Variants in PACS1 observed in about 807,000 individuals in gnomAD.
PACS1 encodes the protein PACS-1.
Under a neutral mutation model 115.0 loss-of-function variants are expected in PACS1, and 24 were observed. That is an observed-to-expected ratio of 0.21 (90% CI 0.15 to 0.29). The LOEUF (loss-of-function observed/expected upper bound fraction) is 0.29, where lower values mean the gene tolerates loss of function less well. Ranked by LOEUF, PACS1 falls within the 10% of genes least tolerant of loss-of-function variation. The pLI is 1.00. For missense variants in PACS1, 838 were observed against 1,251.2 expected (o/e 0.67, Z 4.98); for synonymous variants, 453 against 504.5 (o/e 0.90, Z 1.37).
chr11:66,156,104 A>C (rs1007457518), intron 1 of PACS1, among the ~76,000 whole-genome samples: 6 of 150,364 alleles, frequency 4.0e-5, no homozygotes, highest in Admixed American at 4.0e-4. Flanking sequence ...GGAAATGCTC[A>C]GTGTCTTTAT....
At chr11:66,186,491 CTCTT>C (rs1007986683) in intron 1 of PACS1, among the ~76,000 whole-genome samples, 3 of 152,186 alleles carry the variant, frequency 2.0e-5, no homozygotes. Flanking sequence ...TCTCCTCTGC[CTCTT>C]GCTCGCAATA....
At chr11:66,090,583 G>C (rs1342912494) in intron 1 of PACS1, among the ~76,000 whole-genome samples, 1 of 152,026 alleles carries the variant, frequency 6.6e-6, no homozygotes, top group Non-Finnish European at 1.5e-5. Context: ...AGTGGCACCT[G>C]TTTTCTAAAA....
Position 66,216,565 on chromosome 11 carries a change from G to A in PACS1, c.851G>A (p.Ser284Asn). Residue 284 changes from serine (S) to asparagine (N), a missense_variant, in exon 6 of 24, where the codon AGT (serine) becomes AAT (asparagine). Physicochemically the swap from Ser to Asn is conservative, Grantham distance 46. Transcript: ENST00000320580. Reference sequence around the variant, plus strand: ...AATTATTCTGAGGAAGAGGAAGAGAGTTTCTCATCAGAACAGGAAGGCAGT... The same window carrying A: ...AATTATTCTGAGGAAGAGGAAGAGAATTTCTCATCAGAACAGGAAGGCAGT... Reference protein sequence around the residue: ...IDNYSEEEEESFSSEQEGSDD... With the variant: ...IDNYSEEEEENFSSEQEGSDD... 6.2e-7 allele frequency: 1 copy of A among 1,614,144 alleles called. No individual in the cohort carries two copies. Among genetic ancestry groups the A allele is most frequent in the Non-Finnish European group, 8.5e-7 (1 of 1,179,966 alleles).
intron 1 of PACS1, among the ~76,000 whole-genome samples, chr11:66,161,775 C>G (rs1859491737): frequency 6.6e-6 from 1 of 152,068 alleles, no homozygotes; most frequent in African/African-American, 2.4e-5. Flanking sequence ...ACGGAAAAAC[C>G]CTTACTCTGA....
chr11:66,154,760 A>G (rs1859315444), intron 1 of PACS1, among the ~76,000 whole-genome samples: 1 of 152,156 alleles, frequency 6.6e-6, no homozygotes, highest in Non-Finnish European at 1.5e-5. Flanking sequence ...ATTTTCTACA[A>G]ATTCATCTGT....
At chr11:66,077,611 T>C (rs900945105) in intron 1 of PACS1, among the ~76,000 whole-genome samples, 4 of 152,100 alleles carry the variant, frequency 2.6e-5, no homozygotes, top group Non-Finnish European at 5.9e-5. Context: ...TTTCCTTGTG[T>C]TGAGGTAGAT....
chr11:66,156,840 G>A (rs1424919389), intron 1 of PACS1, among the ~76,000 whole-genome samples: 3 of 148,920 alleles, frequency 2.0e-5, no homozygotes, highest in South Asian at 2.1e-4. Flanking sequence ...GCGACAGAGC[G>A]AGACTCTGTC....
rs1287599685 is a variant in PACS1, at chr11:66,243,340, CA to C, written c.*61del. The C allele has an allele frequency of 8.3e-7, 1 of 1,206,850 alleles. No individual in the cohort carries two copies. The highest frequency in any genetic ancestry group is 1.2e-6 in the Non-Finnish European group (1 of 844,728). The allele number at this position is 1,206,850 out of a possible 1,614,324, so 74.8% of individuals were successfully genotyped here. A position where few individuals can be genotyped will look rare whatever the true frequency, so the allele number is the denominator to read the frequency against. Reference sequence around the variant, plus strand: ...TGCCACCAGCCTCACCGCCTGCGGGCAGGGGGAGGCCAGCAGGCCCGGGCCC... The same window carrying C: ...TGCCACCAGCCTCACCGCCTGCGGGCGGGGGAGGCCAGCAGGCCCGGGCCC... On this transcript the variant is annotated 3_prime_UTR_variant, in exon 24 of 24. Coordinates refer to ENST00000320580, the MANE Select transcript of PACS1 (RefSeq NM_018026.4).
chr11:66,173,284 A>G (rs1033426311), intron 1 of PACS1, among the ~76,000 whole-genome samples: 6 of 152,056 alleles, frequency 3.9e-5, no homozygotes, highest in African/African-American at 1.4e-4. Flanking sequence ...TTTTATCTAT[A>G]TATACAATTC....
At chr11:66,107,189 A>G (rs1284543956) in intron 1 of PACS1, among the ~76,000 whole-genome samples, 1 of 151,908 alleles carries the variant, frequency 6.6e-6, no homozygotes, top group Admixed American at 6.6e-5. Context: ...CTCCCAGGTC[A>G]CTCCCTTGCA....
intron 1 of PACS1, among the ~76,000 whole-genome samples, chr11:66,164,621 T>TATATAATATATAATACATATATATATGTA (rs1565130507): frequency 3.1e-5 from 3 of 97,864 alleles, no homozygotes; most frequent in African/African-American, 7.4e-5. Context: ...ATATATGTAT[T>TATATAATATATAATACATATATATATGTA]TTTTTTTTGT....
At chr11:66,096,205 CTTTCTTTTTTTTTTTTTTTT>C (rs1450445815) in intron 1 of PACS1, among the ~76,000 whole-genome samples, 3 of 111,128 alleles carry the variant, frequency 2.7e-5, no homozygotes, top group African/African-American at 6.6e-5. Context: ...TTATCTTTTT[CTTTCTTTTTTTTTTTTTTTT>C]TTTTTTTTGA....
chr11:66,118,080 T>A (rs964135344), intron 1 of PACS1, among the ~76,000 whole-genome samples: 6 of 152,250 alleles, frequency 3.9e-5, no homozygotes, highest in African/African-American at 1.4e-4. Flanking sequence ...ATTTTAAACG[T>A]ATGTTTGGAT....
intron 10 of PACS1, among the ~76,000 whole-genome samples, chr11:66,223,812 A>T (rs1405572745): frequency 2.6e-5 from 4 of 152,234 alleles, no homozygotes; most frequent in Non-Finnish European, 4.4e-5. Flanking sequence ...TACCTGACTT[A>T]TAAAACTTAC....
At chr11:66,179,122 C>G (rs1201360530) in intron 1 of PACS1, among the ~76,000 whole-genome samples, 1 of 152,134 alleles carries the variant, frequency 6.6e-6, no homozygotes, top group East Asian at 1.9e-4. Context: ...TTTTGCCAGT[C>G]TGGTAAAAAT....
chr11:66,132,425 G>C (rs1858725108), intron 1 of PACS1, among the ~76,000 whole-genome samples: 1 of 152,020 alleles, frequency 6.6e-6, no homozygotes, highest in African/African-American at 2.4e-5. Context: ...TGTGAAAACG[G>C]ATTAATACAG....
intron 1 of PACS1, among the ~76,000 whole-genome samples, chr11:66,159,016 G>A (rs4595550): frequency 6.4e-4 from 97 of 152,312 alleles, no homozygotes; most frequent in Admixed American, 4.6e-3. Flanking sequence ...CATTAGACCA[G>A]TTAACAATAG....
intron 1 of PACS1, among the ~76,000 whole-genome samples, chr11:66,117,460 C>CAA (rs11407986): frequency 1.2e-3 from 158 of 130,056 alleles, no homozygotes; most frequent in Middle Eastern, 3.9e-3. Context: ...AACTCCATCT[C>CAA]AAAAAAAAAA....
At chr11:66,073,679 A>G (rs1475204806) in intron 1 of PACS1, among the ~76,000 whole-genome samples, 2 of 152,164 alleles carry the variant, frequency 1.3e-5, no homozygotes, top group African/African-American at 2.4e-5. Context: ...GAAAAACTTT[A>G]TATAGGTGAA....
Sources: allele counts gnomAD v4.1 joint callset (sites outside exome capture counted in the v4.1 genomes callset), GRCh38; gene constraint gnomAD v4.1.1; transcripts MANE v1.5; gene names NCBI Gene and HGNC (gene_info 2026-07-23, HGNC 2026-07-21).